TBC1D8: variants seen among roughly 807,000 people sequenced by gnomAD.
TBC1D8 encodes TBC1 domain family member 8, also known as BUB2-like protein 1.
In TBC1D8, 65 loss-of-function variants were observed where a neutral mutation model predicts 118.8. That is an observed-to-expected ratio of 0.55 (90% confidence interval 0.45 to 0.67). TBC1D8 has a LOEUF of 0.67. Among genes scored for constraint, TBC1D8 ranks in the 30% least tolerant of loss-of-function variants. The probability of loss-of-function intolerance (pLI) is 0.00; values close to 1 mark genes in which losing one functional copy is unlikely to be tolerated. For missense variants in TBC1D8, 1,376 were observed against 1,471.2 expected (o/e 0.94, Z 1.06); for synonymous variants, 566 against 595.8 (o/e 0.95, Z 0.73).
chr2:101,053,046 T>C (rs1243592410), intron 4 of TBC1D8, among the ~76,000 whole-genome samples: 1 of 152,224 alleles, frequency 6.6e-6, no homozygotes, highest in Non-Finnish European at 1.5e-5. Flanking sequence ...CAGACATGCA[T>C]ATTAGTAAGT....
At chr2:101,074,160 T>C (rs1184683262) in intron 2 of TBC1D8, among the ~76,000 whole-genome samples, 1 of 152,236 alleles carries the variant, frequency 6.6e-6, no homozygotes, top group African/African-American at 2.4e-5. Context: ...TAGAGGCCAT[T>C]GTAGAGTTAT....
At chr2:101,010,602 C>T (rs543135086) in intron 19 of TBC1D8, among the ~76,000 whole-genome samples, 32 of 151,992 alleles carry the variant, frequency 2.1e-4, no homozygotes, top group Non-Finnish European at 3.4e-4. Flanking sequence ...AGTTAATTCT[C>T]GGTCGGGCGC....
At chr2:101,036,737 C>G (rs1458820759) in intron 8 of TBC1D8, among the ~76,000 whole-genome samples, 1 of 152,186 alleles carries the variant, frequency 6.6e-6, no homozygotes, top group Non-Finnish European at 1.5e-5. Context: ...CCCTAGGTGG[C>G]AGGAATGTTT....
intron 2 of TBC1D8, among the ~76,000 whole-genome samples, chr2:101,087,392 T>C (rs1421691108): frequency 6.6e-6 from 1 of 151,832 alleles, no homozygotes; most frequent in South Asian, 2.1e-4. Context: ...ATCCCAGCAC[T>C]CTGGGAGGCC....
At chr2:101,122,077 T>C (rs1195139596) in intron 1 of TBC1D8, among the ~76,000 whole-genome samples, 4 of 150,048 alleles carry the variant, frequency 2.7e-5, no homozygotes, top group African/African-American at 4.9e-5. Context: ...TTTTCTTTTT[T>C]TTTTTTTTTT....
At position 101,050,657 on chromosome 2, in the gene TBC1D8, G is replaced by A. The variant is rs1204812730; in HGVS notation, c.632-16C>T. On this transcript the variant is annotated splice_polypyrimidine_tract_variant and intron_variant, in intron 4 of 19. Transcript: ENST00000409318. Reference sequence around the variant, plus strand: ...ACAAGTTTAACTGTAAGAGAAAAGGGTGAAATACCTATTATGCCATGAAAT... The same window carrying A: ...ACAAGTTTAACTGTAAGAGAAAAGGATGAAATACCTATTATGCCATGAAAT... 1.2e-6 allele frequency: 2 copies of A among 1,609,814 alleles called. No homozygotes were observed. The highest frequency in any genetic ancestry group is 2.2e-5 in the East Asian group (1 of 44,846).
intron 1 of TBC1D8, among the ~76,000 whole-genome samples, chr2:101,126,002 A>G (rs1678335898): frequency 2.0e-5 from 3 of 152,196 alleles, no homozygotes; most frequent in African/African-American, 7.2e-5. Flanking sequence ...GGAATACCTG[A>G]GGCTGAGTCA....
At chr2:101,030,346 T>C (rs950621699) in intron 11 of TBC1D8, among the ~76,000 whole-genome samples, 1 of 152,228 alleles carries the variant, frequency 6.6e-6, no homozygotes, top group Admixed American at 6.5e-5. Flanking sequence ...ACAACCAACC[T>C]TTTTTAAAGA....
chr2:101,011,006 T>A lies in TBC1D8; in HGVS notation c.2938A>T (p.Lys980Ter), dbSNP rs1141419. 1.2e-6 allele frequency: 2 copies of A among 1,612,872 alleles called. No homozygotes were observed. The highest frequency in any genetic ancestry group is 1.1e-5 in the South Asian group (1 of 91,082). Residue 980 changes from lysine to a stop codon, truncating the protein, a stop_gained, in exon 19 of 20, where the codon AAA (lysine) becomes TAA (stop). Coordinates refer to ENST00000409318, the MANE Select transcript of TBC1D8 (RefSeq NM_001330348.2). LOFTEE classifies it high-confidence loss of function. Reference sequence around the variant, plus strand: ...TCCTTAATCATCTGCTTCAGCTGTTTCTGATAATCAACTGCATCACCTTGA... The same window carrying A: ...TCCTTAATCATCTGCTTCAGCTGTTACTGATAATCAACTGCATCACCTTGA... ...KPNGDAVDYQKQLKQMIKDLA... is the reference protein window; with the variant it reads ...KPNGDAVDYQ
Position 101,054,231 on chromosome 2 carries a change from C to G in TBC1D8, c.508G>C (p.Glu170Gln), listed in dbSNP as rs747535253. Residue 170 changes from glutamate to glutamine, a missense_variant, in exon 4 of 20, where the codon GAG becomes CAG. Glu to Gln is a conservative substitution (Grantham distance 29). Coordinates refer to ENST00000409318, the MANE Select transcript of TBC1D8 (RefSeq NM_001330348.2). ...TAGTAGGTGACCAGCTTCTCCGCCT[C>G]GGGGAAGTTGAACCTGGCCTCGAAC... is the stretch of plus-strand genomic sequence containing the variant. ...VKFEARFNFP[E>Q]AEKLVTYYSC... 1 of 1,609,306 alleles carries G rather than the reference C, an allele frequency of 6.2e-7. No individual in the cohort carries two copies. The highest frequency in any genetic ancestry group is 1.3e-5 in the African/African-American group (1 of 74,858).
chr2:101,115,596 T>C (rs1677784401), intron 1 of TBC1D8, among the ~76,000 whole-genome samples: 1 of 152,008 alleles, frequency 6.6e-6, no homozygotes, highest in Admixed American at 6.6e-5. Flanking sequence ...ACTAAAAATG[T>C]AGAAATTAGC....
At chr2:101,084,181 G>A (rs1675445064) in intron 2 of TBC1D8, among the ~76,000 whole-genome samples, 1 of 152,188 alleles carries the variant, frequency 6.6e-6, no homozygotes, top group Non-Finnish European at 1.5e-5. Context: ...CTGCACTGCT[G>A]GAAGGGGAGG....
chr2:101,122,856 A>T (rs1678191413), intron 1 of TBC1D8, among the ~76,000 whole-genome samples: 1 of 152,142 alleles, frequency 6.6e-6, no homozygotes, highest in Non-Finnish European at 1.5e-5. Flanking sequence ...ATTGGTGTCA[A>T]ACACTGATCA....
At chr2:101,105,656 G>T (rs1459279360) in intron 1 of TBC1D8, among the ~76,000 whole-genome samples, 2 of 148,594 alleles carry the variant, frequency 1.3e-5, no homozygotes, top group African/African-American at 5.0e-5. Context: ...CTAGGAAATT[G>T]TAAATTAAAA....
At chr2:101,115,480 G>A in intron 1 of TBC1D8, among the ~76,000 whole-genome samples, 1 of 152,234 alleles carries the variant, frequency 6.6e-6, no homozygotes, top group Non-Finnish European at 1.5e-5. Context: ...GCCAGGAGCA[G>A]TGGCTCATGC....
chr2:101,007,445 T>G lies in TBC1D8; in HGVS notation c.*376A>C, dbSNP rs541871512. Among the ~76,000 whole-genome samples the G allele has an allele frequency of 1.3e-5, 2 of 152,178 alleles. No homozygotes were observed. The highest frequency in any genetic ancestry group is 2.9e-5 in the Non-Finnish European group (2 of 68,028). Reference sequence around the variant, plus strand: ...TTGAAAGTGAACTTGATTCCTGACCTCTCCCATTGTCACTCCAAGTGAAAA... The same window carrying G: ...TTGAAAGTGAACTTGATTCCTGACCGCTCCCATTGTCACTCCAAGTGAAAA... On this transcript the variant is annotated 3_prime_UTR_variant, in exon 20 of 20. Transcript: ENST00000409318.
At chr2:101,135,803 G>A (rs1325294676) in intron 1 of TBC1D8, among the ~76,000 whole-genome samples, 4 of 152,174 alleles carry the variant, frequency 2.6e-5, no homozygotes, top group Non-Finnish European at 1.5e-5. Flanking sequence ...CTCAAGCAAT[G>A]TTTGTTCTTC....
chr2:101,031,990 G>A (rs184799639), intron 11 of TBC1D8, among the ~76,000 whole-genome samples: 1 of 152,190 alleles, frequency 6.6e-6, no homozygotes, highest in African/African-American at 2.4e-5. Flanking sequence ...CTTCTTGTAA[G>A]TTCAGCTATC....
intron 1 of TBC1D8, among the ~76,000 whole-genome samples, chr2:101,129,254 C>G (rs1426611315): frequency 6.6e-6 from 1 of 152,104 alleles, no homozygotes; most frequent in East Asian, 1.9e-4. Context: ...AATTCTCATG[C>G]CTCAGCCTCC....
Sources: allele counts gnomAD v4.1 joint callset (sites outside exome capture counted in the v4.1 genomes callset), GRCh38; gene constraint gnomAD v4.1.1; transcripts MANE v1.5; gene names NCBI Gene and HGNC (gene_info 2026-07-23, HGNC 2026-07-21).